The following GABRA5 variants were observed in gnomAD, a reference collection of about 807,000 sequenced individuals.
GABRA5 encodes gamma-aminobutyric acid type A receptor subunit alpha5, also known as gamma-aminobutyric acid receptor subunit alpha-5.
A neutral mutation model predicts 47.3 loss-of-function variants in GABRA5; 18 were observed. The ratio of observed to expected loss-of-function variants is 0.38; its 90% CI spans 0.26 to 0.56. The LOEUF is 0.56. GABRA5 is among the 20% of genes least tolerant of loss of function. GABRA5 has a pLI of 0.71. For missense variants in GABRA5, 365 were observed against 599.3 expected, an observed-to-expected ratio of 0.61 and a Z score of 4.08; for synonymous variants, 237 against 229.3, an observed-to-expected ratio of 1.03 and a Z score of -0.30.
In GABRA5 at chr15:26,947,565, C is replaced by T. The variant is rs12441834; in HGVS notation, c.1090-369C>T. On this transcript the variant is annotated intron_variant, in intron 10 of 10. Coordinates refer to ENST00000335625, the MANE Select transcript of GABRA5 (RefSeq NM_000810.4). ...TTTATCATTCTTTTTTATGGCTGCA[C>T]CATTCCATGGTGTATATGTACCACA... Among the ~76,000 whole-genome samples the T allele has an allele frequency of 0.021, 3,131 of 152,238 alleles. 244 individuals carry two copies. The East Asian group carries it at 0.27, about 13-fold the overall frequency.
chr15:26,946,153 TG>T (rs149782747), intron 10 of GABRA5, among the ~76,000 whole-genome samples: 6,303 of 152,294 alleles, frequency 0.041, 298 homozygotes, highest in African/African-American at 0.11. Flanking sequence ...GCTCCACGCT[TG>T]GGCTTTCTGC....
intron 7 of GABRA5, among the ~76,000 whole-genome samples, chr15:26,919,050 G>A (rs1342023121): frequency 2.0e-5 from 3 of 152,142 alleles, no homozygotes; most frequent in African/African-American, 7.2e-5. Context: ...GGATGAGGCA[G>A]AAGGATCACC....
chr15:26,928,977 G>A (rs963428131), intron 7 of GABRA5, among the ~76,000 whole-genome samples: 5 of 152,014 alleles, frequency 3.3e-5, no homozygotes, highest in East Asian at 3.9e-4. Flanking sequence ...ACCTCCCAAC[G>A]CCCCACCTGC....
intron 6 of GABRA5, among the ~76,000 whole-genome samples, chr15:26,893,058 G>T (rs1300606505): frequency 2.0e-5 from 3 of 150,996 alleles, no homozygotes; most frequent in African/African-American, 7.3e-5. Context: ...TGTCTGTTGT[G>T]TGTGTACGCT....
intron 6 of GABRA5, among the ~76,000 whole-genome samples, chr15:26,891,477 G>A (rs955933403): frequency 5.9e-5 from 9 of 152,156 alleles, no homozygotes; most frequent in Admixed American, 2.0e-4. Context: ...TAGCAAGCAT[G>A]CAACAGGAAG....
intron 6 of GABRA5, among the ~76,000 whole-genome samples, chr15:26,892,943 TGTA>T (rs1893046312): frequency 6.6e-6 from 1 of 150,834 alleles, no homozygotes; most frequent in Non-Finnish European, 1.5e-5. Flanking sequence ...GATGCGTGTG[TGTA>T]GTGTGTGTAT....
rs998904989 is a variant in GABRA5, at chr15:26,948,873, A to C, written c.*640A>C. On this transcript the variant is annotated 3_prime_UTR_variant, in exon 11 of 11. Transcript: ENST00000335625. ...CAAAATATTTCCCTGAGGAAAAAAAATCAACTGCTTAAATTTTTTGGGAAG... is the reference window on the plus strand; with the variant it reads ...CAAAATATTTCCCTGAGGAAAAAAACTCAACTGCTTAAATTTTTTGGGAAG... 4 of 152,242 alleles carry C rather than the reference A, an allele frequency of 2.6e-5. No homozygotes were observed. Among genetic ancestry groups the C allele is most frequent in the African/African-American group, 9.6e-5 (4 of 41,466 alleles). The allele number at this position is 152,242 out of a possible 1,614,324, so 9.4% of individuals were successfully genotyped here.
At position 26,913,140 on chromosome 15, in the gene GABRA5, G is replaced by A. The variant is rs548502327; in HGVS notation, c.498-1663G>A. Among the ~76,000 whole-genome samples, 17 of 148,660 alleles carry A rather than the reference G, an allele frequency of 1.1e-4. 1 individual carries two copies. The South Asian group carries it at 1.3e-3, about 11-fold the overall frequency. On this transcript the variant is annotated intron_variant, in intron 6 of 10. Transcript: ENST00000335625. ...GGAGATTGTGGTGTGGCAAGATTGC[G>A]CCACTGCACTCCAGCCTGGGCAACA...
At chr15:26,903,455 C>A (rs1893371664) in intron 6 of GABRA5, among the ~76,000 whole-genome samples, 1 of 152,104 alleles carries the variant, frequency 6.6e-6, no homozygotes, top group Admixed American at 6.6e-5. Flanking sequence ...GGTTTACATT[C>A]CTCTGAGTAT....
intron 7 of GABRA5, among the ~76,000 whole-genome samples, chr15:26,917,956 A>G (rs561540792): frequency 3.3e-5 from 5 of 152,050 alleles, no homozygotes; most frequent in East Asian, 3.9e-4. Context: ...CTGAATCTAC[A>G]TAAAAGTTTG....
intron 6 of GABRA5, among the ~76,000 whole-genome samples, chr15:26,887,725 G>A (rs1365728209): frequency 6.6e-6 from 1 of 152,156 alleles, no homozygotes; most frequent in Non-Finnish European, 1.5e-5. Context: ...TTTCTTAAAA[G>A]TGACTCCATA....
intron 6 of GABRA5, among the ~76,000 whole-genome samples, chr15:26,887,831 C>T (rs146217973): frequency 1.4e-4 from 21 of 152,210 alleles, no homozygotes; most frequent in African/African-American, 4.8e-4. Flanking sequence ...CAGACTGATA[C>T]GTGTATTCAG....
chr15:26,893,417 T>C (rs1893087236), intron 6 of GABRA5, among the ~76,000 whole-genome samples: 1 of 151,900 alleles, frequency 6.6e-6, no homozygotes, highest in African/African-American at 2.4e-5. Context: ...GTGTGTGTTG[T>C]GTGTGTATGG....
chr15:26,891,226 T>C (rs1481410835), intron 6 of GABRA5, among the ~76,000 whole-genome samples: 2 of 152,188 alleles, frequency 1.3e-5, no homozygotes, highest in Admixed American at 1.3e-4. Context: ...ACATGTTTGC[T>C]TTCTTAGGTC....
At chr15:26,914,587 C>T (rs1484406222) in intron 6 of GABRA5, among the ~76,000 whole-genome samples, 1 of 152,212 alleles carries the variant, frequency 6.6e-6, no homozygotes, top group Non-Finnish European at 1.5e-5. Context: ...CACCCTAAGC[C>T]ACCGAAGTGC....
chr15:26,940,130 C>T, intron 9 of GABRA5, 53 bp downstream of exon 9: 2 of 1,526,116 alleles, frequency 1.3e-6, no homozygotes, highest in Admixed American at 1.9e-5. Context: ...CTGACCCTAA[C>T]CACCCGGAAG....
chr15:26,897,911 C>T (rs541263094), intron 6 of GABRA5, among the ~76,000 whole-genome samples: 30 of 152,232 alleles, frequency 2.0e-4, no homozygotes, highest in African/African-American at 6.7e-4. Flanking sequence ...AAATAATGCA[C>T]CTCTTCCAAG....
chr15:26,940,333 T>C (rs891435585), intron 9 of GABRA5, among the ~76,000 whole-genome samples: 1 of 152,216 alleles, frequency 6.6e-6, no homozygotes, highest in African/African-American at 2.4e-5. Flanking sequence ...TTTGTGTGGT[T>C]TGACATTGCC....
intron 7 of GABRA5, among the ~76,000 whole-genome samples, chr15:26,923,372 G>C (rs148594278): frequency 6.6e-6 from 1 of 152,162 alleles, no homozygotes; most frequent in Admixed American, 6.5e-5. Context: ...CTGGATATGG[G>C]ATTAAGCTTT....
Sources: gnomAD v4.1 joint callset for allele counts (sites outside exome capture counted in the v4.1 genomes callset) on GRCh38, gnomAD v4.1.1 for gene constraint, MANE v1.5 for transcripts, NCBI Gene and HGNC (gene_info 2026-07-23, HGNC 2026-07-21) for gene names.